Variants in KLF9 observed in about 807,000 individuals in gnomAD.
The protein encoded by KLF9 is KLF transcription factor 9.
A neutral mutation model predicts 17.3 loss-of-function variants in KLF9; 2 were observed. That is an observed-to-expected ratio of 0.12 (90% CI 0.05 to 0.36). The LOEUF is 0.36. KLF9 is among the 10% of genes least tolerant of loss of function. The probability of loss-of-function intolerance (pLI) is 1.00; values close to 1 mark genes in which losing one functional copy is unlikely to be tolerated. For synonymous variants in KLF9, 138 were observed against 139.2 expected (o/e 0.99, Z 0.06); for missense variants, 226 against 333.2 (o/e 0.68, Z 2.51).
At chr9:70,409,845 A>G (rs1478636250) in intron 1 of KLF9, among the ~76,000 whole-genome samples, 3 of 152,214 alleles carry the variant, frequency 2.0e-5, no homozygotes, top group Non-Finnish European at 4.4e-5. Context: ...TGAACATACT[A>G]TTTGAAAATG....
chr9:70,411,371 A>T (rs1354265494), intron 1 of KLF9, among the ~76,000 whole-genome samples: 1 of 152,186 alleles, frequency 6.6e-6, no homozygotes, highest in Non-Finnish European at 1.5e-5. Flanking sequence ...CCTCCAGTTA[A>T]TATACCCCTA....
At chr9:70,411,154 A>T (rs1487757932) in intron 1 of KLF9, among the ~76,000 whole-genome samples, 1 of 152,230 alleles carries the variant, frequency 6.6e-6, no homozygotes, top group East Asian at 1.9e-4. Flanking sequence ...CGAATGGCCC[A>T]GAACGCTGGA....
chr9:70,407,824 AC>A (rs1190130394), intron 1 of KLF9, among the ~76,000 whole-genome samples: 2 of 152,182 alleles, frequency 1.3e-5, no homozygotes, highest in African/African-American at 2.4e-5. Context: ...CCTATAGCAA[AC>A]CCTTGCAGCC....
chr9:70,412,978 G>C lies in KLF9; in HGVS notation c.386C>G (p.Pro129Arg). 3.1e-6 allele frequency: 5 copies of C among 1,614,194 alleles called. No homozygotes were observed. Among genetic ancestry groups the C allele is most frequent in the Non-Finnish European group, 4.2e-6 (5 of 1,180,034 alleles). ...SAPSPLSLLH[P>R]GVAAKGKHAS... ...GTGTTTCCCCTTCGCAGCCACTCCA[G>C]GATGGAGGAGGGAGAGCGGGCTGGG... The change falls in exon 1 of 2, where the codon CCT becomes CGT. Residue 129 changes from proline to arginine, a missense_variant. By Grantham distance (103) the Pro-to-Arg change is moderately radical. Transcript: ENST00000377126.
At chr9:70,400,699 G>C (rs7029751) in intron 1 of KLF9, among the ~76,000 whole-genome samples, 148,318 of 152,238 alleles carry the variant, frequency 0.97, 72,365 homozygotes, top group East Asian at 1. Context: ...TTCCATCCAG[G>C]TTTTTCCCTC....
intron 1 of KLF9, among the ~76,000 whole-genome samples, chr9:70,402,920 C>G (rs947378911): frequency 2.6e-5 from 4 of 152,118 alleles, no homozygotes; most frequent in African/African-American, 9.7e-5. Flanking sequence ...GAGGCCGAGG[C>G]GGGTGGATCA....
At chr9:70,401,168 CAAAAAAAA>C (rs199648240) in intron 1 of KLF9, among the ~76,000 whole-genome samples, 6 of 116,024 alleles carry the variant, frequency 5.2e-5, no homozygotes, top group Admixed American at 1.7e-4. Context: ...ATCCCATCTC[CAAAAAAAA>C]AAAAAAAAAA....
At chr9:70,388,699 T>C (rs1271011890) in intron 1 of KLF9, among the ~76,000 whole-genome samples, 1 of 152,222 alleles carries the variant, frequency 6.6e-6, no homozygotes, top group Non-Finnish European at 1.5e-5. Context: ...GCCTCCTACC[T>C]GGAACGAGCA....
intron 1 of KLF9, among the ~76,000 whole-genome samples, chr9:70,404,391 G>C (rs984151949): frequency 1.3e-5 from 2 of 152,098 alleles, no homozygotes; most frequent in Non-Finnish European, 2.9e-5. Flanking sequence ...TTTGAGCTCA[G>C]GAGTTTGAGA....
intron 1 of KLF9, among the ~76,000 whole-genome samples, chr9:70,394,072 C>T (rs975324044): frequency 7.4e-5 from 11 of 148,488 alleles, no homozygotes; most frequent in Admixed American, 3.4e-4. Flanking sequence ...AAAAACAGCA[C>T]TAGGATTCCA....
At chr9:70,409,789 A>C (rs1365782522) in intron 1 of KLF9, among the ~76,000 whole-genome samples, 1 of 152,238 alleles carries the variant, frequency 6.6e-6, no homozygotes, top group East Asian at 1.9e-4. Flanking sequence ...TAAACTTTAG[A>C]GGTATGTCAC....
At chr9:70,402,060 A>C (rs939000701) in intron 1 of KLF9, among the ~76,000 whole-genome samples, 1 of 152,048 alleles carries the variant, frequency 6.6e-6, no homozygotes. Context: ...CAATTAGAAA[A>C]GAAAAAGAAA....
chr9:70,403,720 G>T (rs997185121), intron 1 of KLF9, among the ~76,000 whole-genome samples: 3 of 152,138 alleles, frequency 2.0e-5, no homozygotes, highest in African/African-American at 7.2e-5. Context: ...TTTGGATTCT[G>T]TTGTCCTGAC....
intron 1 of KLF9, among the ~76,000 whole-genome samples, chr9:70,408,015 C>G (rs150817772): frequency 6.6e-6 from 1 of 152,240 alleles, no homozygotes; most frequent in Admixed American, 6.5e-5. Context: ...GCTATTACAA[C>G]GATTTGTCGC....
rs1040301440 is a variant in KLF9 at position 70,387,824 on chromosome 9, G to T, written c.687C>A (p.His229Gln). Reference sequence around the variant, plus strand: ...TTTTCGATCGCTTGATCATGCTGGGGTGGAACTCGGTGTGCCGCCGGGCGT... The same window carrying T: ...TTTTCGATCGCTTGATCATGCTGGGTTGGAACTCGGTGTGCCGCCGGGCGT... ...TKHARRHTEF[H>Q]PSMIKRSKKA... Residue 229 changes from histidine (H) to glutamine (Q), a missense_variant, in exon 2 of 2, where the codon CAC (histidine) becomes CAA (glutamine). By Grantham distance (24) the His-to-Gln change is conservative. Transcript: ENST00000377126. 2 of 1,614,078 alleles carry T rather than the reference G, an allele frequency of 1.2e-6. No homozygotes were observed. The highest frequency in any genetic ancestry group is 1.7e-6 in the Non-Finnish European group (2 of 1,180,018).
At chr9:70,410,747 C>T (rs2037305826) in intron 1 of KLF9, among the ~76,000 whole-genome samples, 2 of 152,208 alleles carry the variant, frequency 1.3e-5, no homozygotes, top group Non-Finnish European at 1.5e-5. Flanking sequence ...CCTTACCCTA[C>T]CCTAAAGTCA....
intron 1 of KLF9, among the ~76,000 whole-genome samples, chr9:70,411,990 T>C (rs1445045854): frequency 1.3e-5 from 2 of 152,004 alleles, no homozygotes; most frequent in Non-Finnish European, 2.9e-5. Flanking sequence ...CCAAAGCCCA[T>C]TTTAAAAGGC....
At chr9:70,409,200 GTATA>G (rs35616865) in intron 1 of KLF9, among the ~76,000 whole-genome samples, 1 of 118,642 alleles carries the variant, frequency 8.4e-6, no homozygotes, top group East Asian at 2.2e-4. Flanking sequence ...ACATGTATAT[GTATA>G]TATATATACA....
intron 1 of KLF9, among the ~76,000 whole-genome samples, chr9:70,400,401 G>C (rs2037213296): frequency 6.6e-6 from 1 of 152,118 alleles, no homozygotes; most frequent in Admixed American, 6.6e-5. Context: ...CCACGAGGCT[G>C]AAACAAGAGA....
Sources: allele counts gnomAD v4.1 joint callset (sites outside exome capture counted in the v4.1 genomes callset), GRCh38; gene constraint gnomAD v4.1.1; transcripts MANE v1.5; gene names NCBI Gene and HGNC (gene_info 2026-07-23, HGNC 2026-07-21).